RALYL: variants seen among roughly 807,000 people sequenced by gnomAD.
RALYL encodes the protein RNA-binding Raly-like protein.
In RALYL, 29 loss-of-function variants were observed where a neutral mutation model predicts 35.1. The observed-to-expected ratio is 0.83, with a 90% confidence interval of 0.61 to 1.13. RALYL has a LOEUF of 1.13. RALYL is among the 50% of genes most tolerant of loss of function. RALYL has a pLI of 0.00. For synonymous variants in RALYL, 120 were observed against 127.6 expected, an observed-to-expected ratio of 0.94 and a Z score of 0.40; for missense variants, 359 against 360.4, an observed-to-expected ratio of 1.00 and a Z score of 0.03.
chr8:84,892,416 C>T (rs1042524572), intron 8 of RALYL, among the ~76,000 whole-genome samples: 4 of 151,930 alleles, frequency 2.6e-5, no homozygotes, highest in Admixed American at 2.0e-4. Context: ...TTGAAACCAG[C>T]CTGGCCAACA....
chr8:84,411,865 C>A (rs1274484369), intron 1 of RALYL, among the ~76,000 whole-genome samples: 2 of 151,936 alleles, frequency 1.3e-5, no homozygotes, highest in Non-Finnish European at 2.9e-5. Flanking sequence ...ACTTCCTAGG[C>A]TTAAATGTCA....
chr8:84,659,308 C>T (rs1469673965), intron 2 of RALYL, among the ~76,000 whole-genome samples: 1 of 151,214 alleles, frequency 6.6e-6, no homozygotes, highest in African/African-American at 2.5e-5. Context: ...TGTTGATCAA[C>T]AGCTTAAGCT....
In RALYL at chr8:84,874,523, G is replaced by T. The variant is rs1258940516; in HGVS notation, c.685+1126G>T. On this transcript the variant is annotated intron_variant, in intron 7 of 8. Transcript: ENST00000521268. The stretch of plus-strand genomic sequence containing the variant: ...ATTTCACTAAAGTAAGGCTATCTGG[G>T]TGACACCTAAATGATGAGAACTCAT... Among the ~76,000 whole-genome samples the T allele has an allele frequency of 1.2e-4, 18 of 152,074 alleles. 2 individuals are homozygous for T. The South Asian group carries it at 3.5e-3, about 30-fold the overall frequency.
chr8:84,391,242 G>A (rs1361750741), intron 1 of RALYL, among the ~76,000 whole-genome samples: 4 of 151,878 alleles, frequency 2.6e-5, no homozygotes, highest in African/African-American at 4.8e-5. Context: ...GTTGGTAGCC[G>A]GTTTGGCTGC....
chr8:84,409,684 T>C (rs991928255), intron 1 of RALYL, among the ~76,000 whole-genome samples: 7 of 152,016 alleles, frequency 4.6e-5, no homozygotes, highest in African/African-American at 1.7e-4. Context: ...ACTCCTCTTG[T>C]ACTGGACCAA....
intron 2 of RALYL, among the ~76,000 whole-genome samples, chr8:84,732,109 C>T (rs1846287818): frequency 6.6e-6 from 1 of 152,086 alleles, no homozygotes; most frequent in Non-Finnish European, 1.5e-5. Flanking sequence ...CTGTGCTTTT[C>T]CTGTGGAATC....
intron 1 of RALYL, among the ~76,000 whole-genome samples, chr8:84,214,152 C>T (rs571918772): frequency 1.1e-4 from 16 of 151,996 alleles, no homozygotes; most frequent in Non-Finnish European, 1.3e-4. Context: ...GGTCAAATTA[C>T]CTTAGGTTGT....
intron 2 of RALYL, among the ~76,000 whole-genome samples, chr8:84,569,154 T>A (rs1388083634): frequency 6.6e-6 from 1 of 151,972 alleles, no homozygotes; most frequent in Non-Finnish European, 1.5e-5. Context: ...ATGCCTAGGT[T>A]TTCTTCTAGG....
Position 84,555,077 on chromosome 8 carries a change from A to G in RALYL, c.256+25500A>G, listed in dbSNP as rs368086031. 3.3e-4 allele frequency among the ~76,000 whole-genome samples: 50 copies of G among 152,168 alleles called. 1 individual carries two copies. The highest frequency in any genetic ancestry group is 3.1e-3 in the East Asian group (16 of 5,144). ...GGGCAGATCACGAGGTCAGGCGTTCAAGACCAGCCTGACCAACATGGTGAA... is the reference window on the plus strand; with the variant it reads ...GGGCAGATCACGAGGTCAGGCGTTCGAGACCAGCCTGACCAACATGGTGAA... On this transcript the variant is annotated intron_variant, in intron 2 of 8. Coordinates refer to ENST00000521268, the MANE Select transcript of RALYL (RefSeq NM_173848.7).
intron 2 of RALYL, among the ~76,000 whole-genome samples, chr8:84,725,526 A>T (rs1430226009): frequency 6.6e-6 from 1 of 151,766 alleles, no homozygotes; most frequent in Non-Finnish European, 1.5e-5. Context: ...AGTAGCTGAT[A>T]CATCTGTTCA....
At chr8:84,457,179 T>C (rs1355326876) in intron 1 of RALYL, among the ~76,000 whole-genome samples, 1 of 151,950 alleles carries the variant, frequency 6.6e-6, no homozygotes, top group Non-Finnish European at 1.5e-5. Context: ...GAAGTTGTAT[T>C]TGCTCTGCAT....
intron 4 of RALYL, among the ~76,000 whole-genome samples, chr8:84,824,930 C>T (rs1259524937): frequency 1.3e-5 from 2 of 152,052 alleles, no homozygotes; most frequent in African/African-American, 4.8e-5. Flanking sequence ...CCATTCTGGA[C>T]ATCAGCCTTC....
chr8:84,624,994 A>T (rs1009817811), intron 2 of RALYL, among the ~76,000 whole-genome samples: 2 of 152,358 alleles, frequency 1.3e-5, no homozygotes, highest in Middle Eastern at 6.8e-3. Context: ...ATAATTTGAA[A>T]GTCACAGAGT....
At chr8:84,577,676 C>G (rs991421050) in intron 2 of RALYL, among the ~76,000 whole-genome samples, 2 of 151,958 alleles carry the variant, frequency 1.3e-5, no homozygotes, top group African/African-American at 4.8e-5. Context: ...TGCATTTTGT[C>G]ACTCTAGTCT....
chr8:84,829,009 A>T (rs1314972828), intron 4 of RALYL: 2 of 152,218 alleles, frequency 1.3e-5, no homozygotes, highest in Admixed American at 1.3e-4. Context: ...TGCTATGAAG[A>T]AACACCCGAG....
At chr8:84,388,857 T>C (rs1055675725) in intron 1 of RALYL, among the ~76,000 whole-genome samples, 1 of 152,100 alleles carries the variant, frequency 6.6e-6, no homozygotes, top group African/African-American at 2.4e-5. Flanking sequence ...TTAGATCCCA[T>C]TTGTCAATTT....
chr8:84,443,645 G>A (rs1224270520), intron 1 of RALYL, among the ~76,000 whole-genome samples: 4 of 152,114 alleles, frequency 2.6e-5, no homozygotes. Context: ...GATGCCTGTA[G>A]GAGCCAGGCA....
chr8:84,227,945 C>T (rs1026590773), intron 1 of RALYL, among the ~76,000 whole-genome samples: 1 of 151,962 alleles, frequency 6.6e-6, no homozygotes, highest in African/African-American at 2.4e-5. Context: ...ATTTAAAAGA[C>T]ACCTTCCTAG....
chr8:84,783,651 C>T (rs1199699884), intron 3 of RALYL, among the ~76,000 whole-genome samples: 1 of 152,106 alleles, frequency 6.6e-6, no homozygotes, highest in East Asian at 1.9e-4. Flanking sequence ...ACTCTGCCTC[C>T]CCAGGTCCTT....
Sources: allele counts gnomAD v4.1 joint callset (sites outside exome capture counted in the v4.1 genomes callset), GRCh38; gene constraint gnomAD v4.1.1; transcripts MANE v1.5; gene names NCBI Gene and HGNC (gene_info 2026-07-23, HGNC 2026-07-21).